DNAJC21: variants seen among roughly 807,000 people sequenced by gnomAD.
The protein encoded by DNAJC21 is dnaJ homolog subfamily C member 21.
In DNAJC21, 63 loss-of-function variants were observed where a neutral mutation model predicts 72.4. The ratio of observed to expected loss-of-function variants is 0.87; its 90% CI spans 0.71 to 1.07. The LOEUF is 1.07. Ranked by LOEUF, DNAJC21 falls within the 50% of genes least tolerant of loss-of-function variation. The pLI, the probability that DNAJC21 is intolerant of heterozygous loss-of-function variation, is 0.00. For synonymous variants in DNAJC21, 203 were observed against 216.7 expected, an observed-to-expected ratio of 0.94 and a Z score of 0.56; for missense variants, 634 against 644.8, an observed-to-expected ratio of 0.98 and a Z score of 0.18.
chr5:34,932,663 T>C (rs1278585313), intron 1 of DNAJC21, among the ~76,000 whole-genome samples: 3 of 152,202 alleles, frequency 2.0e-5, no homozygotes, highest in Admixed American at 6.5e-5. Flanking sequence ...AAGAACCTGC[T>C]TCCAGCTCAC....
chr5:34,944,740 TAGAATC>T (rs994223083), intron 7 of DNAJC21, 121 bp from the exon 8 acceptor site: 12 of 1,268,782 alleles, frequency 9.5e-6, no homozygotes, highest in African/African-American at 3.0e-5. Context: ...AAAAAATAAA[TAGAATC>T]AGAAACGTTT....
Position 34,949,751 on chromosome 5 carries a change from TAGA to T in DNAJC21, c.1186-414_1186-412del, listed in dbSNP as rs1765298023. The T allele has an allele frequency of 3.8e-6, 6 of 1,590,154 alleles. 1 individual carries two copies. Among genetic ancestry groups the T allele is most frequent in the Admixed American group, 3.5e-5 (2 of 57,238 alleles). On this transcript the variant is annotated intron_variant, in intron 9 of 11. Coordinates refer to ENST00000648817, the MANE Select transcript of DNAJC21 (RefSeq NM_001012339.3). Reference sequence around the variant, plus strand: ...TTGTTGTTGCCATTGTTTGTGACTGTAGAAGAATAGTTGCTCATTGCTTATCAT... The same window carrying T: ...TTGTTGTTGCCATTGTTTGTGACTGTAGAATAGTTGCTCATTGCTTATCAT...
chr5:34,949,600 A>G lies in DNAJC21; in HGVS notation c.1186-570A>G, dbSNP rs1765288237. 4 of 1,590,272 alleles carry G rather than the reference A, an allele frequency of 2.5e-6. No individual in the cohort carries two copies. The highest frequency in any genetic ancestry group is 1.7e-6 in the Non-Finnish European group (2 of 1,165,148). On this transcript the variant is annotated intron_variant, in intron 9 of 11. Coordinates refer to ENST00000648817, the MANE Select transcript of DNAJC21 (RefSeq NM_001012339.3). ...AGCTCACTTTCAGATGGCTTGGGGAAAAAAGTGTGTGTTGGGAGAGAGAAG... is the reference window on the plus strand; with the variant it reads ...AGCTCACTTTCAGATGGCTTGGGGAGAAAAGTGTGTGTTGGGAGAGAGAAG...
intron 1 of DNAJC21, among the ~76,000 whole-genome samples, chr5:34,931,810 G>A (rs929143794): frequency 1.3e-5 from 2 of 152,164 alleles, no homozygotes; most frequent in African/African-American, 4.8e-5. Context: ...GAAAGCGCAA[G>A]GGGAGGAGAT....
intron 1 of DNAJC21, among the ~76,000 whole-genome samples, chr5:34,932,746 C>G (rs1764644079): frequency 2.0e-5 from 3 of 152,222 alleles, no homozygotes; most frequent in Admixed American, 2.0e-4. Context: ...CTATTGGCCT[C>G]CTTCACCCCA....
intron 1 of DNAJC21, 29 bp from the exon 2 acceptor site, chr5:34,933,786 A>G: frequency 1.9e-6 from 3 of 1,593,132 alleles, no homozygotes; most frequent in African/African-American, 2.7e-5. Context: ...TACGTTTTTG[A>G]TTGACTTAAA....
intron 5 of DNAJC21, 82 bp from the exon 6 acceptor site, chr5:34,938,776 G>T: frequency 7.2e-7 from 1 of 1,397,940 alleles, no homozygotes; most frequent in East Asian, 2.6e-5. Flanking sequence ...TCTCTAGTGG[G>T]AATGGATTTT....
chr5:34,942,724 TTACA>T (rs1454913153), intron 7 of DNAJC21, among the ~76,000 whole-genome samples: 2 of 152,184 alleles, frequency 1.3e-5, no homozygotes, highest in Non-Finnish European at 2.9e-5. Context: ...TGAAAGTAAC[TTACA>T]TATATAGTGT....
At chr5:34,951,265 A>G in intron 10 of DNAJC21, 1 of 985,310 alleles carries the variant, frequency 1.0e-6, no homozygotes, top group East Asian at 1.1e-4. Context: ...ATTCACATGT[A>G]TTTCACTCTG....
intron 1 of DNAJC21, among the ~76,000 whole-genome samples, chr5:34,932,260 A>G (rs1430151674): frequency 2.6e-5 from 4 of 152,076 alleles, no homozygotes; most frequent in Non-Finnish European, 4.4e-5. Context: ...GTCTCTACTA[A>G]AAACACAAAA....
chr5:34,945,928 T>C (rs1390635382), intron 9 of DNAJC21, 125 bp downstream of exon 9: 8 of 661,146 alleles, frequency 1.2e-5, no homozygotes, highest in Non-Finnish European at 1.9e-5. Flanking sequence ...GATTGTAAGA[T>C]TGATTAAAAA....
At position 34,958,764 on chromosome 5, in the gene DNAJC21, C is replaced by T. The variant is rs919136391; in HGVS notation, c.*4050C>T. On this transcript the variant is annotated 3_prime_UTR_variant, in exon 12 of 12. Transcript: ENST00000648817. ...CTTTTGGTCTCAAGATCCCTTTACA[C>T]TCTTCAAAAGTGAGAACCCCAAAGA... 1 of 152,156 alleles carries T rather than the reference C, an allele frequency of 6.6e-6. No homozygotes were observed. Among genetic ancestry groups the T allele is most frequent in the Admixed American group, 6.5e-5 (1 of 15,274 alleles). The allele number at this position is 152,156 out of a possible 1,614,324, so 9.4% of individuals were successfully genotyped here. A position where few individuals can be genotyped will look rare whatever the true frequency, so the allele number is the denominator to read the frequency against.
chr5:34,931,822 T>C (rs1300357344), intron 1 of DNAJC21, among the ~76,000 whole-genome samples: 2 of 151,888 alleles, frequency 1.3e-5, no homozygotes, highest in African/African-American at 4.8e-5. Context: ...GGAGGAGATG[T>C]TGGGAAGGAA....
intron 1 of DNAJC21, among the ~76,000 whole-genome samples, chr5:34,931,902 C>T (rs1764609577): frequency 6.6e-6 from 1 of 152,152 alleles, no homozygotes; most frequent in South Asian, 2.1e-4. Context: ...ACTAAAGTAT[C>T]AGTTAACTCC....
chr5:34,929,991 G>A lies in DNAJC21; in HGVS notation c.97+75G>A, dbSNP rs1314175924. 13 of 1,212,996 alleles carry A rather than the reference G, an allele frequency of 1.1e-5. No individual in the cohort carries two copies. In the Admixed American group the frequency reaches 2.7e-4, roughly 25 times the overall value. 75.1% of individuals were successfully genotyped at this position (1,212,996 alleles called of 1,614,324 possible). On this transcript the variant is annotated intron_variant, in intron 1 of 11. Coordinates refer to ENST00000648817, the MANE Select transcript of DNAJC21 (RefSeq NM_001012339.3). Reference sequence around the variant, plus strand: ...TCCCCGACCTTCCCTTCCCCCGGGCGGACTCCGCGGAGCCAGCAGAGAGGG... The same window carrying A: ...TCCCCGACCTTCCCTTCCCCCGGGCAGACTCCGCGGAGCCAGCAGAGAGGG...
chr5:34,937,721 C>A, intron 5 of DNAJC21, 91 bp downstream of exon 5: 2 of 1,448,000 alleles, frequency 1.4e-6, no homozygotes, highest in Middle Eastern at 2.6e-4. Flanking sequence ...TGGGTTCAGT[C>A]ATCAGCCTGG....
chr5:34,935,970 A>G (rs1242156034), intron 3 of DNAJC21, 137 bp downstream of exon 3: 3 of 1,409,252 alleles, frequency 2.1e-6, no homozygotes, highest in Non-Finnish European at 2.9e-6. Flanking sequence ...CATTGCCTTC[A>G]TGTTTAAGCT....
chr5:34,930,900 G>T (rs901144187), intron 1 of DNAJC21, among the ~76,000 whole-genome samples: 1 of 152,238 alleles, frequency 6.6e-6, no homozygotes, highest in Non-Finnish European at 1.5e-5. Flanking sequence ...TTGGTGGTTA[G>T]ATTAATGGAA....
chr5:34,932,040 G>T (rs940071262), intron 1 of DNAJC21, among the ~76,000 whole-genome samples: 1 of 152,182 alleles, frequency 6.6e-6, no homozygotes, highest in Admixed American at 6.5e-5. Flanking sequence ...GTTCTAGGGC[G>T]GCAAAACTAT....
Sources: gnomAD v4.1 joint callset for allele counts (sites outside exome capture counted in the v4.1 genomes callset) on GRCh38, gnomAD v4.1.1 for gene constraint, MANE v1.5 for transcripts, NCBI Gene and HGNC (gene_info 2026-07-23, HGNC 2026-07-21) for gene names.